ARHGAP8: variants seen among roughly 807,000 people sequenced by gnomAD.
The protein encoded by ARHGAP8 is Rho GTPase activating protein 8.
A neutral mutation model predicts 46.1 loss-of-function variants in ARHGAP8; 62 were observed. The observed-to-expected ratio is 1.34, with a 90% CI of 1.10 to 1.66. The LOEUF (loss-of-function observed/expected upper bound fraction) is 1.66. Among genes scored for constraint, ARHGAP8 ranks in the 40% most tolerant of loss-of-function variants. The probability of loss-of-function intolerance (pLI) is 0.00; values close to 1 mark genes in which losing one functional copy is unlikely to be tolerated. For missense variants in ARHGAP8, 923 were observed against 568.4 expected (o/e 1.62, Z -6.34); for synonymous variants, 375 against 243.1 (o/e 1.54, Z -5.05).
intron 3 of ARHGAP8, 67 bp from the exon 4 acceptor site, chr22:44,808,240 G>C: frequency 6.4e-7 from 1 of 1,568,010 alleles, no homozygotes; most frequent in Non-Finnish European, 8.7e-7. Context: ...CCATTATAGG[G>C]AAAGCACGTT....
intron 7 of ARHGAP8, among the ~76,000 whole-genome samples, chr22:44,838,852 T>C (rs1009732196): frequency 1.3e-5 from 2 of 152,182 alleles, no homozygotes; most frequent in African/African-American, 4.8e-5. Context: ...GCCCCTGGCA[T>C]TGGGACAATT....
intron 10 of ARHGAP8, among the ~76,000 whole-genome samples, chr22:44,852,520 C>T (rs947213032): frequency 6.6e-6 from 1 of 152,118 alleles, no homozygotes; most frequent in Non-Finnish European, 1.5e-5. Flanking sequence ...AGTAGTGTTC[C>T]GGACCCCAGC....
intron 3 of ARHGAP8, among the ~76,000 whole-genome samples, chr22:44,804,421 T>C (rs1928792290): frequency 6.6e-6 from 1 of 152,160 alleles, no homozygotes; most frequent in South Asian, 2.1e-4. Flanking sequence ...AGCTCAGTCT[T>C]AGTGAAGGGA....
intron 4 of ARHGAP8, among the ~76,000 whole-genome samples, chr22:44,810,043 C>T (rs6006887): frequency 0.11 from 16,045 of 152,098 alleles, 1,165 homozygotes; most frequent in African/African-American, 0.19. Flanking sequence ...CGCATGTCCT[C>T]CTCCAGGAAG....
intron 7 of ARHGAP8, among the ~76,000 whole-genome samples, chr22:44,838,761 C>T (rs1266364361): frequency 3.3e-5 from 5 of 152,168 alleles, no homozygotes; most frequent in Admixed American, 6.5e-5. Flanking sequence ...TGCGTGAACC[C>T]GGATAAGTCA....
intron 5 of ARHGAP8, among the ~76,000 whole-genome samples, chr22:44,821,892 GA>G (rs1930174602): frequency 6.7e-6 from 1 of 148,738 alleles, no homozygotes; most frequent in East Asian, 2.4e-4. Flanking sequence ...CAAACCTGGA[GA>G]GCCTCATTGG....
intron 1 of ARHGAP8, among the ~76,000 whole-genome samples, chr22:44,772,223 CTTTTTTT>C (rs71188484): frequency 2.4e-4 from 4 of 16,426 alleles, no homozygotes; most frequent in Non-Finnish European, 6.6e-4. Context: ...ACTGTTTTGC[CTTTTTTT>C]TTTTTTTTTT....
intron 7 of ARHGAP8, among the ~76,000 whole-genome samples, chr22:44,835,543 C>A (rs753097064): frequency 6.6e-6 from 1 of 152,134 alleles, no homozygotes; most frequent in African/African-American, 2.4e-5. Flanking sequence ...ATCACTTGAA[C>A]CGGGGAGGCG....
chr22:44,763,802 CT>C (rs201584311), intron 1 of ARHGAP8, among the ~76,000 whole-genome samples: 32,705 of 91,160 alleles, frequency 0.36, 3,927 homozygotes, highest in East Asian at 0.5. Flanking sequence ...TTTTTCTTTT[CT>C]TTTTTTTTTT....
intron 4 of ARHGAP8, among the ~76,000 whole-genome samples, chr22:44,810,677 C>A (rs1039338577): frequency 1.3e-5 from 2 of 152,132 alleles, no homozygotes; most frequent in African/African-American, 4.8e-5. Flanking sequence ...GAGTGGTGGG[C>A]AGGGTGTTGT....
intron 1 of ARHGAP8, among the ~76,000 whole-genome samples, chr22:44,784,575 G>A (rs1401306926): frequency 3.3e-5 from 5 of 152,122 alleles, no homozygotes; most frequent in Admixed American, 3.3e-4. Context: ...CAAAGATTTT[G>A]GTATCCCTGG....
intron 5 of ARHGAP8, among the ~76,000 whole-genome samples, chr22:44,821,763 G>A (rs1445766872): frequency 6.6e-6 from 1 of 152,226 alleles, no homozygotes; most frequent in Non-Finnish European, 1.5e-5. Context: ...GGCCCTGAGA[G>A]GGAGTGAATT....
At chr22:44,780,099 C>T (rs1212115954) in intron 1 of ARHGAP8, among the ~76,000 whole-genome samples, 5 of 152,196 alleles carry the variant, frequency 3.3e-5, no homozygotes, top group Non-Finnish European at 7.3e-5. Context: ...AATGTATGTT[C>T]TCCCTCCAGC....
intron 1 of ARHGAP8, among the ~76,000 whole-genome samples, chr22:44,760,172 C>T (rs1406861331): frequency 6.6e-6 from 1 of 152,156 alleles, no homozygotes; most frequent in Non-Finnish European, 1.5e-5. Context: ...CTTGCGCATG[C>T]CGTCTTGCCA....
chr22:44,842,035 C>T (rs1370121598), intron 7 of ARHGAP8, among the ~76,000 whole-genome samples: 2 of 152,154 alleles, frequency 1.3e-5, no homozygotes, highest in South Asian at 2.1e-4. Flanking sequence ...GGTCTCAGGC[C>T]CTGTGTTGGA....
At chr22:44,761,114 T>C (rs1925098611) in intron 1 of ARHGAP8, among the ~76,000 whole-genome samples, 1 of 152,228 alleles carries the variant, frequency 6.6e-6, no homozygotes, top group South Asian at 2.1e-4. Flanking sequence ...CGGATACTGT[T>C]TGAGCAAATC....
At chr22:44,859,581 G>A (rs1391590813) in intron 10 of ARHGAP8, 150 bp from the exon 11 acceptor site, 2 of 751,486 alleles carry the variant, frequency 2.7e-6, no homozygotes, top group East Asian at 2.7e-5. Flanking sequence ...GAGCCATACG[G>A]CCAGAAGATA....
chr22:44,807,251 G>T (rs1928995962), intron 3 of ARHGAP8, among the ~76,000 whole-genome samples: 1 of 152,170 alleles, frequency 6.6e-6, no homozygotes, highest in South Asian at 2.1e-4. Context: ...CAGAGTGCTG[G>T]TGGAGGGTTA....
chr22:44,802,180 CCT>C lies in ARHGAP8; in HGVS notation c.167+21_167+22del, dbSNP rs569774676. On this transcript the variant is annotated intron_variant, in intron 3 of 11. Coordinates refer to ENST00000356099, the MANE Select transcript of ARHGAP8 (RefSeq NM_181335.3). ...GGCTGCTGGAGTAAGTGTTCTGCCCCCTCTCTTTCTGTCCCTGTCTCTCCATG... is the reference window on the plus strand; with the variant it reads ...GGCTGCTGGAGTAAGTGTTCTGCCCCCTCTTTCTGTCCCTGTCTCTCCATG... 194 of 1,613,820 alleles carry C rather than the reference CCT, an allele frequency of 1.2e-4. No homozygotes were observed. In the African/African-American group the frequency reaches 2.0e-3, roughly 16 times the overall value.
Sources: gnomAD v4.1 joint callset for allele counts (sites outside exome capture counted in the v4.1 genomes callset) on GRCh38, gnomAD v4.1.1 for gene constraint, MANE v1.5 for transcripts, NCBI Gene and HGNC (gene_info 2026-07-23, HGNC 2026-07-21) for gene names.